The following SCAMP1 variants were observed in gnomAD, a reference collection of about 807,000 sequenced individuals.
SCAMP1 encodes the protein secretory carrier membrane protein 1.
SCAMP1 carries 15 observed loss-of-function variants against 41.8 expected under a neutral mutation model. That is an observed-to-expected ratio of 0.36 (90% CI 0.24 to 0.55). SCAMP1 has a LOEUF of 0.55. Among genes scored for constraint, SCAMP1 ranks in the 20% least tolerant of loss-of-function variants. The probability of loss-of-function intolerance (pLI) is 0.86; values close to 1 mark genes in which losing one functional copy is unlikely to be tolerated. For synonymous variants in SCAMP1, 135 were observed against 136.8 expected, an observed-to-expected ratio of 0.99 and a Z score of 0.09; for missense variants, 341 against 412.6, an observed-to-expected ratio of 0.83 and a Z score of 1.50.
chr5:78,464,448 T>G (rs953004604), intron 8 of SCAMP1, among the ~76,000 whole-genome samples: 1 of 152,210 alleles, frequency 6.6e-6, no homozygotes, highest in African/African-American at 2.4e-5. Flanking sequence ...TTAATTCACT[T>G]TCTTAGATAC....
chr5:78,410,182 A>AT (rs1414995542), intron 2 of SCAMP1, among the ~76,000 whole-genome samples: 4 of 151,212 alleles, frequency 2.6e-5, no homozygotes, highest in Non-Finnish European at 2.9e-5. Flanking sequence ...GGTTTGTTAC[A>AT]TAGGCAAACG....
In SCAMP1 at chr5:78,478,033, C is replaced by G. The variant is rs1281348025; in HGVS notation, c.*2365C>G. ...ATATTAAATTATGGCAATTTTATTT[C>G]AAACTAAAGTTTGAACACCGGAAAG... is the stretch of plus-strand genomic sequence containing the variant. On this transcript the variant is annotated 3_prime_UTR_variant, in exon 9 of 9. Transcript: ENST00000621999. 1.3e-5 allele frequency: 2 copies of G among 152,456 alleles called. No homozygotes were observed. The highest frequency in any genetic ancestry group is 2.9e-5 in the Non-Finnish European group (2 of 67,958). The allele number at this position is 152,456 out of a possible 1,614,324, so 9.4% of individuals were successfully genotyped here.
intron 8 of SCAMP1, among the ~76,000 whole-genome samples, chr5:78,469,084 CATATT>C (rs1753811639): frequency 3.3e-5 from 5 of 152,208 alleles, no homozygotes; most frequent in African/African-American, 9.6e-5. Context: ...AAAAAAATCA[CATATT>C]ATAAGTGGAC....
intron 2 of SCAMP1, among the ~76,000 whole-genome samples, chr5:78,398,311 C>T (rs1421189596): frequency 6.6e-6 from 1 of 150,822 alleles, no homozygotes; most frequent in African/African-American, 2.4e-5. Flanking sequence ...TATATTGACA[C>T]ACCATAATCA....
chr5:78,423,006 A>G (rs916578243), intron 6 of SCAMP1, among the ~76,000 whole-genome samples: 35 of 45,094 alleles, frequency 7.8e-4, no homozygotes, highest in Middle Eastern at 0.013. Context: ...TGTGTAACAC[A>G]CGCGCGCGCG....
At chr5:78,421,276 T>C (rs1160485674) in intron 5 of SCAMP1, among the ~76,000 whole-genome samples, 2 of 152,212 alleles carry the variant, frequency 1.3e-5, no homozygotes, top group East Asian at 1.9e-4. Flanking sequence ...CAAGTTTTTT[T>C]CAGGATTTTA....
chr5:78,462,248 GTTCT>G (rs1445772359), intron 8 of SCAMP1, among the ~76,000 whole-genome samples: 3 of 151,230 alleles, frequency 2.0e-5, no homozygotes, highest in Non-Finnish European at 4.4e-5. Flanking sequence ...ATGGGATTGG[GTTCT>G]TTATTTGGTT....
chr5:78,448,950 A>C (rs568445398), intron 6 of SCAMP1, among the ~76,000 whole-genome samples: 1 of 152,008 alleles, frequency 6.6e-6, no homozygotes, highest in South Asian at 2.1e-4. Flanking sequence ...TGGTGAGCCA[A>C]GATTGCGCCA....
intron 1 of SCAMP1, among the ~76,000 whole-genome samples, chr5:78,366,437 C>A (rs914497700): frequency 1.3e-5 from 2 of 152,176 alleles, no homozygotes; most frequent in Admixed American, 1.3e-4. Flanking sequence ...TGCCACCACA[C>A]TTGGCCTCTG....
chr5:78,405,045 T>C (rs1751898105), intron 2 of SCAMP1, among the ~76,000 whole-genome samples: 1 of 152,244 alleles, frequency 6.6e-6, no homozygotes, highest in Admixed American at 6.5e-5. Context: ...CTCTGGCAAA[T>C]TGTTACTCCT....
intron 8 of SCAMP1, among the ~76,000 whole-genome samples, chr5:78,470,385 A>G (rs1187056022): frequency 3.3e-5 from 5 of 152,144 alleles, no homozygotes. Flanking sequence ...TGAATTGCCT[A>G]TTTTAGATAT....
chr5:78,412,337 A>G (rs1206451683), intron 2 of SCAMP1, among the ~76,000 whole-genome samples: 3 of 151,752 alleles, frequency 2.0e-5, no homozygotes, highest in Non-Finnish European at 2.9e-5. Context: ...CCTATAGTCT[A>G]TAGAGTGTAT....
At chr5:78,441,510 G>A (rs554301304) in intron 6 of SCAMP1, among the ~76,000 whole-genome samples, 2 of 152,284 alleles carry the variant, frequency 1.3e-5, no homozygotes, top group South Asian at 4.1e-4. Context: ...TTTTCAAGTG[G>A]TATTAGTAAA....
chr5:78,409,379 T>A (rs1337359077), intron 2 of SCAMP1, among the ~76,000 whole-genome samples: 1 of 150,970 alleles, frequency 6.6e-6, no homozygotes, highest in African/African-American at 2.4e-5. Flanking sequence ...GTGGCTTGTT[T>A]TATATTTATA....
At chr5:78,435,429 A>G (rs969149398) in intron 6 of SCAMP1, among the ~76,000 whole-genome samples, 1 of 152,000 alleles carries the variant, frequency 6.6e-6, no homozygotes, top group Non-Finnish European at 1.5e-5. Context: ...CCTGCGTCCA[A>G]GGGTTCTCAT....
intron 5 of SCAMP1, among the ~76,000 whole-genome samples, chr5:78,420,503 A>G (rs1316300504): frequency 6.6e-6 from 1 of 151,912 alleles, no homozygotes; most frequent in Non-Finnish European, 1.5e-5. Context: ...ATTTATTATG[A>G]GCAAGCATTC....
At chr5:78,410,722 A>G (rs1561264934) in intron 2 of SCAMP1, among the ~76,000 whole-genome samples, 1 of 152,168 alleles carries the variant, frequency 6.6e-6, no homozygotes, top group African/African-American at 2.4e-5. Context: ...GAACCACCAC[A>G]CTGTCTTCCA....
chr5:78,373,356 G>T (rs192807759), intron 1 of SCAMP1, among the ~76,000 whole-genome samples: 3 of 152,118 alleles, frequency 2.0e-5, no homozygotes, highest in Admixed American at 1.3e-4. Context: ...ACATTAATTT[G>T]CATTTTTGCA....
At chr5:78,422,946 G>T (rs562774554) in intron 6 of SCAMP1, among the ~76,000 whole-genome samples, 1 of 152,220 alleles carries the variant, frequency 6.6e-6, no homozygotes, top group South Asian at 2.1e-4. Flanking sequence ...ACATTTAAGT[G>T]TTCAGTATGT....
Sources: allele counts gnomAD v4.1 joint callset (sites outside exome capture counted in the v4.1 genomes callset), GRCh38; gene constraint gnomAD v4.1.1; transcripts MANE v1.5; gene names NCBI Gene and HGNC (gene_info 2026-07-23, HGNC 2026-07-21).